NCEH1: variants seen among roughly 807,000 people sequenced by gnomAD.
NCEH1 encodes the protein neutral cholesterol ester hydrolase 1, also known as 2-acetyl MAGE hydrolase.
NCEH1 carries 9 observed loss-of-function variants against 25.4 expected under a neutral mutation model. The ratio of observed to expected loss-of-function variants is 0.35; its 90% CI spans 0.21 to 0.62. NCEH1 has a LOEUF of 0.62. NCEH1 is among the 20% of genes least tolerant of loss of function. The pLI, the probability that NCEH1 is intolerant of heterozygous loss-of-function variation, is 0.72. For missense variants in NCEH1, 412 were observed against 501.1 expected, an observed-to-expected ratio of 0.82 and a Z score of 1.70; for synonymous variants, 200 against 199.8, an observed-to-expected ratio of 1.00 and a Z score of -0.01.
At chr3:172,665,365 G>T (rs1718158266) in intron 1 of NCEH1, among the ~76,000 whole-genome samples, 1 of 152,170 alleles carries the variant, frequency 6.6e-6, no homozygotes, top group African/African-American at 2.4e-5. Context: ...TTGTCTCAGA[G>T]GGGCACCTGG....
intron 3 of NCEH1, among the ~76,000 whole-genome samples, chr3:172,639,756 G>A (rs1268095233): frequency 6.6e-6 from 1 of 152,160 alleles, no homozygotes; most frequent in African/African-American, 2.4e-5. Context: ...CCCATCAGAA[G>A]AACAAAATTT....
At chr3:172,706,501 T>TTC (rs1713999481) in intron 1 of NCEH1, among the ~76,000 whole-genome samples, 1 of 143,488 alleles carries the variant, frequency 7.0e-6, no homozygotes, top group Non-Finnish European at 1.5e-5. Flanking sequence ...ACATTTTTCT[T>TTC]TTTTTTTTTT....
At chr3:172,649,823 G>A (rs1398222471) in intron 1 of NCEH1, among the ~76,000 whole-genome samples, 5 of 152,192 alleles carry the variant, frequency 3.3e-5, no homozygotes, top group Non-Finnish European at 5.9e-5. Flanking sequence ...GGCACGAAAC[G>A]ATGAAATATG....
intron 1 of NCEH1, among the ~76,000 whole-genome samples, chr3:172,666,922 C>T (rs186905997): frequency 1.3e-5 from 2 of 152,296 alleles, no homozygotes; most frequent in Non-Finnish European, 2.9e-5. Flanking sequence ...CTTCTAGGAA[C>T]AGAGTTCTCC....
intron 1 of NCEH1, among the ~76,000 whole-genome samples, chr3:172,666,741 G>T (rs745399067): frequency 6.6e-6 from 1 of 152,130 alleles, no homozygotes; most frequent in African/African-American, 2.4e-5. Flanking sequence ...GCTGTCTGCC[G>T]GCTATCCTGT....
In NCEH1 at chr3:172,633,623, C is replaced by T. The variant is rs898778685; in HGVS notation, c.1079G>A (p.Arg360His). Residue 360 changes from arginine (R) to histidine (H), a missense_variant, in exon 5 of 5, where the codon CGT becomes CAT. This residue lies in a region of NCEH1 where 210 missense variants were observed against 258.2 expected (regional missense o/e 0.81). Coordinates refer to ENST00000475381, the MANE Select transcript of NCEH1 (RefSeq NM_020792.6). ...LRDDGIMYAKRLESAGVEVTL... is the reference protein window; with the variant it reads ...LRDDGIMYAKHLESAGVEVTL... ...CACCTCCACACCGGCACTCTCCAAA[C>T]GCTTGGCATACATGATGCCATCGTC... The T allele has an allele frequency of 4.3e-6, 7 of 1,614,196 alleles. No individual in the cohort carries two copies. The highest frequency in any genetic ancestry group is 2.2e-5 in the South Asian group (2 of 91,082).
At position 172,633,341 on chromosome 3, in the gene NCEH1, T is replaced by C. The variant is rs1182112796; in HGVS notation, c.*134A>G. ...ATTAGGTTATCATAAAGACTTCAGT[T>C]ATGGAATAGAAATTCCATAACTCGC... On this transcript the variant is annotated 3_prime_UTR_variant, in exon 5 of 5. Coordinates refer to ENST00000475381, the MANE Select transcript of NCEH1 (RefSeq NM_020792.6). The C allele has an allele frequency of 1.2e-6, 1 of 854,166 alleles. No individual in the cohort carries two copies. The highest frequency in any genetic ancestry group is 1.8e-6 in the Non-Finnish European group (1 of 544,882). The allele number at this position is 854,166 out of a possible 1,614,324, so 52.9% of individuals were successfully genotyped here. A position where few individuals can be genotyped will look rare whatever the true frequency, so the allele number is the denominator to read the frequency against.
intron 1 of NCEH1, among the ~76,000 whole-genome samples, chr3:172,684,790 G>C (rs1712606470): frequency 6.6e-6 from 1 of 151,926 alleles, no homozygotes; most frequent in African/African-American, 2.4e-5. Flanking sequence ...ACACCAGCCT[G>C]GCCAACATGG....
intron 3 of NCEH1, among the ~76,000 whole-genome samples, chr3:172,642,984 G>T (rs192625356): frequency 6.6e-6 from 1 of 152,256 alleles, no homozygotes; most frequent in East Asian, 1.9e-4. Flanking sequence ...TGTTGCCCAG[G>T]CTGGAGTGCA....
chr3:172,687,932 G>A (rs1243634069), intron 1 of NCEH1, among the ~76,000 whole-genome samples: 1 of 152,062 alleles, frequency 6.6e-6, no homozygotes, highest in African/African-American at 2.4e-5. Context: ...CCCCTAACCT[G>A]GACAACAAAC....
At chr3:172,672,104 T>C (rs1265610405) in intron 1 of NCEH1, among the ~76,000 whole-genome samples, 4 of 152,236 alleles carry the variant, frequency 2.6e-5, no homozygotes, top group African/African-American at 9.6e-5. Flanking sequence ...TTTTAATCTT[T>C]TGTATCATAT....
chr3:172,710,383 T>A (rs1460931538), intron 1 of NCEH1, among the ~76,000 whole-genome samples: 3 of 152,234 alleles, frequency 2.0e-5, no homozygotes, highest in African/African-American at 7.2e-5. Flanking sequence ...ATTGCGAGAC[T>A]GCCCTTGCCT....
At chr3:172,688,347 A>G (rs910359313) in intron 1 of NCEH1, among the ~76,000 whole-genome samples, 6 of 151,578 alleles carry the variant, frequency 4.0e-5, no homozygotes, top group Admixed American at 1.3e-4. Flanking sequence ...AAAAAAAAAA[A>G]AAAAAGAAAA....
chr3:172,637,220 ACATACCTT>A (rs1716634865), intron 3 of NCEH1, among the ~76,000 whole-genome samples: 1 of 152,186 alleles, frequency 6.6e-6, no homozygotes, highest in South Asian at 2.1e-4. Flanking sequence ...TTGAGTATTA[ACATACCTT>A]CATTTTGCAA....
intron 1 of NCEH1, among the ~76,000 whole-genome samples, chr3:172,661,597 T>C (rs937132383): frequency 6.6e-6 from 1 of 152,210 alleles, no homozygotes; most frequent in Non-Finnish European, 1.5e-5. Flanking sequence ...ATTCTTCCTA[T>C]CCATGAGCAT....
chr3:172,648,186 A>G (rs1717212572), intron 1 of NCEH1, 72 bp from the exon 2 acceptor site: 2 of 1,559,496 alleles, frequency 1.3e-6, no homozygotes, highest in Non-Finnish European at 1.8e-6. Flanking sequence ...GCCCTCACCA[A>G]CTGAGTGTCT....
intron 1 of NCEH1, among the ~76,000 whole-genome samples, chr3:172,649,018 G>A (rs1040712730): frequency 2.0e-5 from 3 of 152,166 alleles, no homozygotes; most frequent in Non-Finnish European, 4.4e-5. Context: ...ATGATCATAA[G>A]ATCACGGAAA....
intron 1 of NCEH1, among the ~76,000 whole-genome samples, chr3:172,666,987 A>C (rs1016915092): frequency 6.6e-6 from 1 of 152,192 alleles, no homozygotes. Flanking sequence ...GGCGAGCCCA[A>C]GGTATTTCTA....
At chr3:172,649,276 CTGTCA>C (rs1358637069) in intron 1 of NCEH1, among the ~76,000 whole-genome samples, 1 of 152,076 alleles carries the variant, frequency 6.6e-6, no homozygotes. Flanking sequence ...ATGTCCTGTC[CTGTCA>C]TGAAAAGAGT....
Sources: allele counts gnomAD v4.1 joint callset (sites outside exome capture counted in the v4.1 genomes callset), GRCh38; gene constraint gnomAD v4.1.1; regional missense constraint gnomAD v4.1.1; transcripts MANE v1.5; gene names NCBI Gene and HGNC (gene_info 2026-07-23, HGNC 2026-07-21).